The following COL23A1 variants were observed in gnomAD, a reference collection of about 807,000 sequenced individuals.
COL23A1 encodes the protein collagen alpha-1(XXIII) chain.
Under a neutral mutation model 99.3 loss-of-function variants are expected in COL23A1, and 97 were observed. The ratio of observed to expected loss-of-function variants is 0.98; its 90% CI spans 0.83 to 1.16. COL23A1 has a LOEUF of 1.16. Ranked by LOEUF, COL23A1 falls within the 50% of genes most tolerant of loss-of-function variation. The pLI is 0.00. For missense variants in COL23A1, 762 were observed against 757.4 expected (o/e 1.01, Z -0.07); for synonymous variants, 320 against 308.2 (o/e 1.04, Z -0.40).
intron 2 of COL23A1, among the ~76,000 whole-genome samples, chr5:178,443,327 C>A (rs1430319283): frequency 6.6e-6 from 1 of 152,240 alleles, no homozygotes; most frequent in Non-Finnish European, 1.5e-5. Context: ...TGATTCAAGA[C>A]CAGACACACA....
intron 2 of COL23A1, among the ~76,000 whole-genome samples, chr5:178,552,754 G>GC (rs1230426222): frequency 2.0e-5 from 3 of 149,564 alleles, no homozygotes; most frequent in African/African-American, 4.9e-5. Context: ...TCACTCTGTC[G>GC]CCAGGCTGGG....
chr5:178,341,333 C>A (rs1461454244), intron 2 of COL23A1, among the ~76,000 whole-genome samples: 1 of 152,136 alleles, frequency 6.6e-6, no homozygotes, highest in Non-Finnish European at 1.5e-5. Context: ...GCTGGGGAAC[C>A]CAAGATAGGT....
chr5:178,406,185 TCC>T (rs1764754293), intron 2 of COL23A1, among the ~76,000 whole-genome samples: 1 of 152,026 alleles, frequency 6.6e-6, no homozygotes, highest in African/African-American at 2.4e-5. Context: ...TGGAGAAGTG[TCC>T]CATTTTTAAT....
chr5:178,431,871 G>A (rs1317738876), intron 2 of COL23A1, among the ~76,000 whole-genome samples: 2 of 152,202 alleles, frequency 1.3e-5, no homozygotes, highest in Non-Finnish European at 1.5e-5. Context: ...TGGCAGTCAC[G>A]AAATATCTCA....
rs1756865050 is a variant in COL23A1, at chr5:178,280,948, T to G, written c.441+7376A>C. 1.3e-5 allele frequency among the ~76,000 whole-genome samples: 2 copies of G among 152,122 alleles called. No individual in the cohort carries two copies. The highest frequency in any genetic ancestry group is 6.5e-5 in the Admixed American group (1 of 15,276). ...CCTCCTGTGAATGGGCTGCCCCACA[T>G]GGGACACTCACGGGGACACTGGGGA... On this transcript the variant is annotated intron_variant, in intron 5 of 28. Coordinates refer to ENST00000390654, the MANE Select transcript of COL23A1 (RefSeq NM_173465.4). This position sits in a 1 kb window ranked among gnomAD's most constrained non-coding sequence, Gnocchi z 4.9.
chr5:178,541,358 C>T (rs6880804), intron 2 of COL23A1, among the ~76,000 whole-genome samples: 31,333 of 152,074 alleles, frequency 0.21, 4,039 homozygotes, highest in African/African-American at 0.37. Context: ...GAGGCCAAGG[C>T]GGGTGGATCA....
intron 2 of COL23A1, among the ~76,000 whole-genome samples, chr5:178,352,905 C>T (rs942811383): frequency 1.3e-5 from 2 of 152,204 alleles, no homozygotes; most frequent in Non-Finnish European, 2.9e-5. Context: ...TTATTTCCCA[C>T]TTGAGAAAAG....
intron 2 of COL23A1, among the ~76,000 whole-genome samples, chr5:178,360,706 G>GTTTCTA (rs556256078): frequency 1.4e-4 from 21 of 152,316 alleles, no homozygotes; most frequent in African/African-American, 4.8e-4. Context: ...AAACTTGCAT[G>GTTTCTA]GCACACCTGG....
In COL23A1 at chr5:178,308,830, G is replaced by C. The variant is rs538498173; in HGVS notation, c.362-1911C>G. Among the ~76,000 whole-genome samples the C allele has an allele frequency of 6.6e-6, 1 of 152,094 alleles. No individual in the cohort carries two copies. Reference sequence around the variant, plus strand: ...TTGGGGGGCAGGTCAGCACTCTCGGGGGGGGCTTTCCTCCTCTCTGGGCCT... The same window carrying C: ...TTGGGGGGCAGGTCAGCACTCTCGGCGGGGGCTTTCCTCCTCTCTGGGCCT... On this transcript the variant is annotated intron_variant, in intron 2 of 28. Transcript: ENST00000390654. The surrounding 1 kb of genome is among the most constrained non-coding windows in gnomAD (Gnocchi z 5.1).
intron 2 of COL23A1, among the ~76,000 whole-genome samples, chr5:178,503,901 G>A (rs1024485783): frequency 2.0e-5 from 3 of 152,194 alleles, no homozygotes; most frequent in South Asian, 2.1e-4. Context: ...GGCTAGGTCC[G>A]GAGGGGAGGG....
intron 8 of COL23A1, among the ~76,000 whole-genome samples, chr5:178,264,210 CA>C (rs1478228883): frequency 6.6e-6 from 1 of 151,956 alleles, no homozygotes; most frequent in Non-Finnish European, 1.5e-5. Flanking sequence ...GTATCATTGT[CA>C]ATTTCCTGTT....
chr5:178,447,294 A>G (rs1767215803), intron 2 of COL23A1, among the ~76,000 whole-genome samples: 1 of 152,042 alleles, frequency 6.6e-6, no homozygotes, highest in Non-Finnish European at 1.5e-5. Context: ...GGGTTTCACC[A>G]TATTGGCCAG....
chr5:178,279,717 G>A (rs879543477), intron 5 of COL23A1, among the ~76,000 whole-genome samples: 11 of 152,050 alleles, frequency 7.2e-5, no homozygotes, highest in Non-Finnish European at 1.2e-4. Flanking sequence ...CTCCCCCTAC[G>A]CCCTTACCAT....
intron 2 of COL23A1, among the ~76,000 whole-genome samples, chr5:178,502,269 C>T (rs535224546): frequency 6.6e-6 from 1 of 152,160 alleles, no homozygotes; most frequent in Non-Finnish European, 1.5e-5. Context: ...GCAGCTGGGA[C>T]TACAGGCGCC....
At chr5:178,283,823 C>T (rs945365823) in intron 5 of COL23A1, among the ~76,000 whole-genome samples, 26 of 152,172 alleles carry the variant, frequency 1.7e-4, no homozygotes, top group African/African-American at 5.5e-4. Context: ...GAGGAAAAAG[C>T]GCTCATGATA....
chr5:178,361,016 C>T (rs1762148602), intron 2 of COL23A1, among the ~76,000 whole-genome samples: 1 of 152,220 alleles, frequency 6.6e-6, no homozygotes, highest in Non-Finnish European at 1.5e-5. Flanking sequence ...CAGGGACACA[C>T]TCTGGCCACA....
At chr5:178,268,599 C>T in intron 7 of COL23A1, 131 bp downstream of exon 7, 2 of 789,690 alleles carry the variant, frequency 2.5e-6, no homozygotes, top group East Asian at 2.9e-5. Flanking sequence ...TCCCACTCTA[C>T]AGATGGGGAA....
rs145181001 is a variant in COL23A1 at position 178,367,582 on chromosome 5, C to T, written c.362-60663G>A. 2.5e-3 allele frequency among the ~76,000 whole-genome samples: 380 copies of T among 152,222 alleles called. 1 individual carries two copies. The highest frequency in any genetic ancestry group is 8.7e-3 in the African/African-American group (361 of 41,534). Reference sequence around the variant, plus strand: ...GAACACTAGGTCCCACTGTACGAGCCGGGAGCCCTGACATGTTAGGGAGGC... The same window carrying T: ...GAACACTAGGTCCCACTGTACGAGCTGGGAGCCCTGACATGTTAGGGAGGC... On this transcript the variant is annotated intron_variant, in intron 2 of 28. Coordinates refer to ENST00000390654, the MANE Select transcript of COL23A1 (RefSeq NM_173465.4).
intron 2 of COL23A1, among the ~76,000 whole-genome samples, chr5:178,318,202 G>A (rs1759079391): frequency 6.6e-6 from 1 of 152,230 alleles, no homozygotes; most frequent in African/African-American, 2.4e-5. Context: ...GCAGGAATAG[G>A]CTAGGCACCT....
Sources: allele counts gnomAD v4.1 joint callset (sites outside exome capture counted in the v4.1 genomes callset), GRCh38; gene constraint gnomAD v4.1.1; non-coding constraint Gnocchi (gnomAD v3.1); transcripts MANE v1.5; gene names NCBI Gene and HGNC (gene_info 2026-07-23, HGNC 2026-07-21).